Variants in XKR6 observed in about 807,000 individuals in gnomAD.
XKR6 encodes the protein XK related 6.
XKR6 carries 22 observed loss-of-function variants against 56.7 expected under a neutral mutation model. That is an observed-to-expected ratio of 0.39 (90% CI 0.28 to 0.55). The LOEUF (loss-of-function observed/expected upper bound fraction) is 0.55. XKR6 is among the 20% of genes least tolerant of loss of function. XKR6 has a pLI of 0.66. For missense variants in XKR6, 852 were observed against 889.0 expected (o/e 0.96, Z 0.53); for synonymous variants, 524 against 387.8 (o/e 1.35, Z -4.13).
chr8:10,899,022 G>T (rs998007538), intron 2 of XKR6, 106 bp from the exon 3 acceptor site: 2 of 1,468,318 alleles, frequency 1.4e-6, no homozygotes, highest in Admixed American at 2.3e-5. Context: ...CGATCTAAAG[G>T]AGGAGGGAGA....
intron 1 of XKR6, among the ~76,000 whole-genome samples, chr8:11,088,925 G>A (rs923742716): frequency 6.6e-6 from 1 of 152,230 alleles, no homozygotes; most frequent in Non-Finnish European, 1.5e-5. Context: ...AATCAGGGTA[G>A]GCTGTATGTG....
At chr8:11,114,773 G>GTGTATATA (rs34746866) in intron 1 of XKR6, among the ~76,000 whole-genome samples, 21 of 146,502 alleles carry the variant, frequency 1.4e-4, no homozygotes, top group Admixed American at 4.8e-4. Context: ...GTGTGTGTGT[G>GTGTATATA]TATGTGCCAG....
At chr8:11,047,057 G>A (rs142512322) in intron 1 of XKR6, among the ~76,000 whole-genome samples, 1 of 152,262 alleles carries the variant, frequency 6.6e-6, no homozygotes, top group African/African-American at 2.4e-5. Context: ...CAGGATGAAA[G>A]AGTTCTGGAG....
intron 1 of XKR6, among the ~76,000 whole-genome samples, chr8:11,165,090 CTTTTTTTTTT>C (rs35783491): frequency 3.6e-5 from 3 of 82,510 alleles, no homozygotes; most frequent in African/African-American, 1.0e-4. Flanking sequence ...AGGCTATCAC[CTTTTTTTTTT>C]TTTTTTTTTT....
chr8:11,161,726 T>C (rs529436661), intron 1 of XKR6, among the ~76,000 whole-genome samples: 5 of 152,230 alleles, frequency 3.3e-5, no homozygotes, highest in African/African-American at 1.2e-4. Flanking sequence ...TCAATCACTT[T>C]GGAAGCTATC....
chr8:10,925,992 C>T (rs911457327), intron 1 of XKR6, among the ~76,000 whole-genome samples: 13 of 152,142 alleles, frequency 8.5e-5, no homozygotes, highest in Admixed American at 4.6e-4. Context: ...AAACAGGAAC[C>T]GTAAACTGGG....
intron 1 of XKR6, among the ~76,000 whole-genome samples, chr8:11,128,456 T>C (rs1024043469): frequency 1.3e-5 from 2 of 152,360 alleles, no homozygotes; most frequent in South Asian, 4.1e-4. Flanking sequence ...CCATCTCAGA[T>C]GTCAAACAGG....
intron 1 of XKR6, chr8:11,111,577 G>C (rs1298454284): frequency 2.0e-5 from 3 of 152,010 alleles, no homozygotes; most frequent in African/African-American, 7.3e-5. Context: ...GAAAAGACAA[G>C]AATAGGCATA....
intron 1 of XKR6, among the ~76,000 whole-genome samples, chr8:11,093,941 G>A (rs1018204869): frequency 2.6e-5 from 4 of 151,784 alleles, no homozygotes; most frequent in Admixed American, 6.6e-5. Flanking sequence ...CCGCCACCAC[G>A]CCAGACTAAT....
intron 1 of XKR6, among the ~76,000 whole-genome samples, chr8:11,095,764 C>T (rs1798247747): frequency 1.3e-5 from 2 of 152,082 alleles, no homozygotes; most frequent in African/African-American, 4.8e-5. Flanking sequence ...GGGATATGAC[C>T]CAGGCACTGG....
chr8:11,167,889 T>TC (rs1563189396), intron 1 of XKR6, among the ~76,000 whole-genome samples: 228 of 91,138 alleles, frequency 2.5e-3, no homozygotes, highest in African/African-American at 0.016. Context: ...ACCCCATCTC[T>TC]TAAAAAAAAA....
intron 1 of XKR6, among the ~76,000 whole-genome samples, chr8:11,041,342 G>C (rs1337255880): frequency 6.6e-6 from 1 of 152,148 alleles, no homozygotes; most frequent in Non-Finnish European, 1.5e-5. Flanking sequence ...CGGATCACAA[G>C]GTCAGGAGTT....
chr8:11,057,083 C>CA (rs1172046083), intron 1 of XKR6, among the ~76,000 whole-genome samples: 4 of 152,344 alleles, frequency 2.6e-5, no homozygotes, highest in African/African-American at 9.6e-5. Context: ...CATCCTTACT[C>CA]AAAAGCCGTT....
chr8:11,164,263 T>C (rs1440850008), intron 1 of XKR6, among the ~76,000 whole-genome samples: 1 of 152,246 alleles, frequency 6.6e-6, no homozygotes, highest in African/African-American at 2.4e-5. Flanking sequence ...TATCACACTC[T>C]GTAATTGTGT....
chr8:11,029,008 A>T (rs1354413223), intron 1 of XKR6, among the ~76,000 whole-genome samples: 1 of 152,050 alleles, frequency 6.6e-6, no homozygotes, highest in Non-Finnish European at 1.5e-5. Flanking sequence ...ACAATACCTC[A>T]TGCGCCTGGA....
intron 1 of XKR6, among the ~76,000 whole-genome samples, chr8:11,140,513 C>T (rs887146169): frequency 5.9e-5 from 9 of 152,268 alleles, no homozygotes; most frequent in African/African-American, 2.2e-4. Flanking sequence ...AAAGAAAATA[C>T]AAGCCAATAA....
At chr8:11,074,693 G>C (rs10105315) in intron 1 of XKR6, among the ~76,000 whole-genome samples, 86,462 of 152,050 alleles carry the variant, frequency 0.57, 27,896 homozygotes, top group African/African-American at 0.86. Flanking sequence ...AGGTGGGAGA[G>C]AGGCAGAGAG....
chr8:11,094,689 A>T (rs1183772189), intron 1 of XKR6, among the ~76,000 whole-genome samples: 4 of 152,140 alleles, frequency 2.6e-5, no homozygotes, highest in Admixed American at 6.6e-5. Context: ...CACTAGGCAG[A>T]TGACCACACC....
chr8:10,944,725 C>A (rs891703625), intron 1 of XKR6, among the ~76,000 whole-genome samples: 2 of 152,174 alleles, frequency 1.3e-5, no homozygotes, highest in Non-Finnish European at 2.9e-5. Context: ...CCTGCACACA[C>A]CCTGCCCCCA....
Sources: gnomAD v4.1 joint callset for allele counts (sites outside exome capture counted in the v4.1 genomes callset) on GRCh38, gnomAD v4.1.1 for gene constraint, MANE v1.5 for transcripts, NCBI Gene and HGNC (gene_info 2026-07-23, HGNC 2026-07-21) for gene names.